AFG1L: variants seen among roughly 807,000 people sequenced by gnomAD.
The protein encoded by AFG1L is AFG1-like ATPase.
A neutral mutation model predicts 62.2 loss-of-function variants in AFG1L; 53 were observed. That is an observed-to-expected ratio of 0.85 (90% CI 0.68 to 1.07). AFG1L has a LOEUF of 1.07. AFG1L is among the 50% of genes least tolerant of loss of function. AFG1L has a pLI of 0.00. For synonymous variants in AFG1L, 228 were observed against 210.3 expected (o/e 1.08, Z -0.73); for missense variants, 555 against 590.5 (o/e 0.94, Z 0.62).
At chr6:108,498,981 T>C (rs1313075013) in intron 10 of AFG1L, among the ~76,000 whole-genome samples, 2 of 152,000 alleles carry the variant, frequency 1.3e-5, no homozygotes, top group African/African-American at 4.8e-5. Flanking sequence ...TTCAAAAATA[T>C]ATATATACAT....
At chr6:108,421,826 T>C (rs1164502531) in intron 7 of AFG1L, among the ~76,000 whole-genome samples, 1 of 152,104 alleles carries the variant, frequency 6.6e-6, no homozygotes, top group Non-Finnish European at 1.5e-5. Context: ...ACTTCTTTTT[T>C]CTTCTTTGCT....
chr6:108,361,496 A>T (rs1779527167), intron 5 of AFG1L, among the ~76,000 whole-genome samples: 1 of 152,084 alleles, frequency 6.6e-6, no homozygotes, highest in Non-Finnish European at 1.5e-5. Context: ...TGTGTACTTT[A>T]TATATATGTA....
intron 9 of AFG1L, 25 bp from the exon 10 acceptor site, chr6:108,477,167 T>C (rs756457115): frequency 4.2e-6 from 6 of 1,427,224 alleles, no homozygotes; most frequent in Non-Finnish European, 4.9e-6. Flanking sequence ...CAGACAAGAT[T>C]GAGTCTTTGT....
At chr6:108,339,298 A>T (rs1446355023) in intron 2 of AFG1L, among the ~76,000 whole-genome samples, 3 of 151,720 alleles carry the variant, frequency 2.0e-5, no homozygotes, top group Non-Finnish European at 4.4e-5. Context: ...GTGCCACCAC[A>T]TCGACTAATT....
intron 2 of AFG1L, among the ~76,000 whole-genome samples, chr6:108,324,999 A>G (rs1777983041): frequency 6.6e-6 from 1 of 151,936 alleles, no homozygotes; most frequent in Non-Finnish European, 1.5e-5. Context: ...GGCCTGGGAC[A>G]TTTCTTATTG....
chr6:108,356,891 T>A (rs1282965975), intron 5 of AFG1L, 71 bp downstream of exon 5: 5 of 1,283,616 alleles, frequency 3.9e-6, no homozygotes, highest in Non-Finnish European at 5.4e-6. Flanking sequence ...ATTTTGCTCC[T>A]GATTTTATCA....
At chr6:108,402,495 A>T (rs1781678352) in intron 7 of AFG1L, among the ~76,000 whole-genome samples, 1 of 149,274 alleles carries the variant, frequency 6.7e-6, no homozygotes, top group Non-Finnish European at 1.5e-5. Context: ...AAAAAAGGAG[A>T]CTTGCCAGGG....
intron 6 of AFG1L, among the ~76,000 whole-genome samples, chr6:108,383,125 C>A (rs1490485226): frequency 6.6e-6 from 1 of 152,082 alleles, no homozygotes; most frequent in Non-Finnish European, 1.5e-5. Context: ...TCTAGCTACT[C>A]AGGAAGCTGA....
intron 10 of AFG1L, among the ~76,000 whole-genome samples, chr6:108,481,210 C>G (rs1417884655): frequency 6.6e-6 from 1 of 152,170 alleles, no homozygotes; most frequent in Non-Finnish European, 1.5e-5. Context: ...TCTTTGTTCC[C>G]TGCCGTTCCC....
chr6:108,507,854 T>C (rs567969989), intron 10 of AFG1L, among the ~76,000 whole-genome samples: 2 of 152,112 alleles, frequency 1.3e-5, no homozygotes, highest in African/African-American at 2.4e-5. Flanking sequence ...TATTTGGTGA[T>C]TCCACAGTCT....
At chr6:108,430,582 A>G (rs1226087724) in intron 7 of AFG1L, among the ~76,000 whole-genome samples, 1 of 152,190 alleles carries the variant, frequency 6.6e-6, no homozygotes, top group Non-Finnish European at 1.5e-5. Flanking sequence ...AGATCAAAAT[A>G]CTTGATCCTT....
At chr6:108,417,750 A>T (rs995296997) in intron 7 of AFG1L, among the ~76,000 whole-genome samples, 8 of 152,174 alleles carry the variant, frequency 5.3e-5, no homozygotes, top group African/African-American at 1.7e-4. Flanking sequence ...TGATCATATG[A>T]CATAGTATCT....
At chr6:108,480,776 T>C (rs1296819404) in intron 10 of AFG1L, among the ~76,000 whole-genome samples, 4 of 152,160 alleles carry the variant, frequency 2.6e-5, no homozygotes, top group African/African-American at 9.7e-5. Context: ...CCAGCCTGGG[T>C]GAGAGACTCT....
chr6:108,428,308 C>T (rs1770913984), intron 7 of AFG1L, among the ~76,000 whole-genome samples: 1 of 152,294 alleles, frequency 6.6e-6, no homozygotes, highest in East Asian at 1.9e-4. Context: ...GAGTAGCATT[C>T]CATGGTGTAT....
intron 10 of AFG1L, among the ~76,000 whole-genome samples, chr6:108,494,853 C>G (rs1236742818): frequency 6.6e-6 from 1 of 151,712 alleles, no homozygotes; most frequent in Non-Finnish European, 1.5e-5. Flanking sequence ...TCACTGCAAC[C>G]TACGCCTCCC....
chr6:108,326,042 G>A (rs1193420278), intron 2 of AFG1L, among the ~76,000 whole-genome samples: 1 of 152,140 alleles, frequency 6.6e-6, no homozygotes, highest in East Asian at 1.9e-4. Flanking sequence ...CTCCCAAAGT[G>A]CTGGGATTAC....
chr6:108,365,386 C>T (rs1014864708), intron 5 of AFG1L, among the ~76,000 whole-genome samples: 2 of 151,868 alleles, frequency 1.3e-5, no homozygotes, highest in African/African-American at 2.4e-5. Context: ...GATCAATAAA[C>T]CTAACTTGGA....
intron 2 of AFG1L, among the ~76,000 whole-genome samples, chr6:108,342,015 G>T (rs1446774294): frequency 6.6e-6 from 1 of 152,182 alleles, no homozygotes; most frequent in African/African-American, 2.4e-5. Context: ...AGAGAGGCAT[G>T]GGCAGGCTTA....
At chr6:108,308,999 G>T (rs890654374) in intron 1 of AFG1L, among the ~76,000 whole-genome samples, 1 of 152,094 alleles carries the variant, frequency 6.6e-6, no homozygotes, top group Non-Finnish European at 1.5e-5. Context: ...GAGCCACTGC[G>T]CCTGGCCAAG....
Sources: gnomAD v4.1 joint callset for allele counts (sites outside exome capture counted in the v4.1 genomes callset) on GRCh38, gnomAD v4.1.1 for gene constraint, MANE v1.5 for transcripts, NCBI Gene and HGNC (gene_info 2026-07-23, HGNC 2026-07-21) for gene names.